CAPN6: variants seen among roughly 807,000 people sequenced by gnomAD.
The protein encoded by CAPN6 is calpain 6.
A neutral mutation model predicts 46.0 loss-of-function variants in CAPN6; 16 were observed. The ratio of observed to expected loss-of-function variants is 0.35; its 90% confidence interval spans 0.24 to 0.53. CAPN6 has a LOEUF of 0.53. Ranked by LOEUF, CAPN6 falls within the 20% of genes least tolerant of loss-of-function variation. The pLI is 0.94. For missense variants in CAPN6, 461 were observed against 498.0 expected (o/e 0.93, Z 0.71); for synonymous variants, 206 against 172.8 (o/e 1.19, Z -1.51).
Position 111,251,613 on chromosome X carries a change from C to G in CAPN6, c.829G>C (p.Val277Leu), listed in dbSNP as rs12013711. The G allele has an allele frequency of 0.059, 71,361 of 1,207,785 alleles. 9,167 individuals carry two copies. The African/African-American group carries it at 0.63, about 11-fold the overall frequency. The change falls in exon 6 of 13, where the codon GTG (valine) becomes CTG (leucine). Residue 277 changes from valine to leucine, a missense_variant. Transcript: ENST00000324068. ...RLVEVFSAEK[V>L]YMVRLRNPLG... Reference sequence around the variant, plus strand: ...GGGTTTCTCAGGCGAACCATATACACCTTCTCAGCACTGAAGACTTCCACA... The same window carrying G: ...GGGTTTCTCAGGCGAACCATATACAGCTTCTCAGCACTGAAGACTTCCACA...
rs143524909 is a variant in CAPN6 at position 111,248,994 on chromosome X, G to A, written c.1222C>T (p.Arg408Cys). ...VIMSLQQKDL[R>C]TYRRMGRPDN... is the part of the protein sequence containing the mutation. ...GGTCTTCCCATTCGGCGGTAAGTGCGCAGGTCCTTCTGCTGCAGTGACATA... is the reference window on the plus strand; with the variant it reads ...GGTCTTCCCATTCGGCGGTAAGTGCACAGGTCCTTCTGCTGCAGTGACATA... The change falls in exon 9 of 13, where the codon CGC becomes TGC. Residue 408 changes from arginine (R) to cysteine (C), a missense_variant. By Grantham distance (180) the Arg-to-Cys change is radical. Transcript: ENST00000324068. The A allele has an allele frequency of 1.1e-5, 13 of 1,208,740 alleles. No individual in the cohort carries two copies. The highest frequency in any genetic ancestry group is 1.1e-4 in the South Asian group (6 of 56,718).
intron 5 of CAPN6, 51 bp from the exon 6 acceptor site, chrX:111,251,793 C>T: frequency 9.9e-7 from 1 of 1,010,318 alleles, no homozygotes; most frequent in Non-Finnish European, 1.4e-6. Context: ...AGACCCAATC[C>T]TGACTCCTCT....
rs761943657 is a variant in CAPN6 at position 111,252,496 on chromosome X, C to A, written c.510G>T (p.Leu170=). Residue 170 remains leucine (L), a synonymous_variant, in exon 5 of 13, where the codon CTG becomes CTT. Coordinates refer to ENST00000324068, the MANE Select transcript of CAPN6 (RefSeq NM_014289.4). Reference sequence around the variant, plus strand: ...CATCCAGGGCCTCATAACAGCCTAGCAGCCTGAGGGCAAGTATGCAAGGTT... The same window carrying A: ...CATCCAGGGCCTCATAACAGCCTAGAAGCCTGAGGGCAAGTATGCAAGGTT... ...NALLEKAYAK[L]LGCYEALDGL... 1 of 1,196,266 alleles carries A rather than the reference C, an allele frequency of 8.4e-7. No individual in the cohort carries two copies. The highest frequency in any genetic ancestry group is 1.9e-5 in the South Asian group (1 of 53,791).
At chrX:111,253,407 T>C (rs761811667) in intron 3 of CAPN6, among the ~76,000 whole-genome samples, 191 bp from the exon 4 acceptor site, 1 of 112,524 alleles carries the variant, frequency 8.9e-6, no homozygotes, top group Non-Finnish European at 1.9e-5. Context: ...TCAGTTTTGC[T>C]GAGGATGATA....
Position 111,250,902 on chromosome X carries a change from G to A in CAPN6, c.1158+15C>T. The A allele has an allele frequency of 8.3e-7, 1 of 1,199,828 alleles. No homozygotes were observed. The highest frequency in any genetic ancestry group is 1.1e-6 in the Non-Finnish European group (1 of 886,442). On this transcript the variant is annotated intron_variant, in intron 8 of 12. Coordinates refer to ENST00000324068, the MANE Select transcript of CAPN6 (RefSeq NM_014289.4). ...ACTGGATAACTTTGAGGCAAATAAA[G>A]TAATTGACTCAAACCTGGGGATTCT...
chrX:111,267,219 C>G (rs923231259), intron 1 of CAPN6, among the ~76,000 whole-genome samples: 1 of 111,612 alleles, frequency 9.0e-6, no homozygotes, highest in African/African-American at 3.3e-5. Context: ...CAAGGAGAGC[C>G]TCTAGCTAAC....
intron 2 of CAPN6, among the ~76,000 whole-genome samples, chrX:111,255,546 C>T (rs760362954): frequency 1.3e-4 from 15 of 112,967 alleles, no homozygotes; most frequent in Non-Finnish European, 2.2e-4. Context: ...ATTCTGCTTA[C>T]GCAGCAGAAA....
intron 11 of CAPN6, among the ~76,000 whole-genome samples, 181 bp downstream of exon 11, chrX:111,247,690 A>G (rs776658683): frequency 8.9e-6 from 1 of 111,885 alleles, no homozygotes; most frequent in East Asian, 2.8e-4. Flanking sequence ...GGAATATGAA[A>G]ATGAATCTAA....
At chrX:111,255,593 C>A (rs1273956379) in intron 2 of CAPN6, among the ~76,000 whole-genome samples, 2 of 112,806 alleles carry the variant, frequency 1.8e-5, no homozygotes, top group Non-Finnish European at 3.7e-5. Flanking sequence ...GACATATATC[C>A]TTTTAAAAAG....
At chrX:111,258,775 A>G (rs760910660) in intron 2 of CAPN6, among the ~76,000 whole-genome samples, 14 of 112,255 alleles carry the variant, frequency 1.2e-4, no homozygotes, top group African/African-American at 4.2e-4. Context: ...TTTAACCTTC[A>G]GGATTCTGCT....
At position 111,246,437 on chromosome X, in the gene CAPN6, G is replaced by A; in HGVS notation, c.*140C>T. The A allele has an allele frequency of 1.9e-6, 1 of 531,570 alleles. No homozygotes were observed. The highest frequency in any genetic ancestry group is 3.1e-6 in the Non-Finnish European group (1 of 325,730). The allele number at this position is 531,570 out of a possible 1,213,427, so 43.8% of individuals were successfully genotyped here. A position where few individuals can be genotyped will look rare whatever the true frequency, so the allele number is the denominator to read the frequency against. ...GATGCTACTTGGATTGGGAGGTATG[G>A]GGAATTTATCAGAAGAGAGGAAGAG... is the stretch of plus-strand genomic sequence containing the variant. On this transcript the variant is annotated 3_prime_UTR_variant, in exon 13 of 13. Transcript: ENST00000324068.
In CAPN6 at chrX:111,251,299, AG is replaced by A. The variant is rs1188389851; in HGVS notation, c.894-14del. 3 of 1,146,943 alleles carry A rather than the reference AG, an allele frequency of 2.6e-6. No homozygotes were observed. Among genetic ancestry groups the A allele is most frequent in the Admixed American group, 4.9e-5 (2 of 41,081 alleles). The allele number at this position is 1,146,943 out of a possible 1,213,427, so 94.5% of individuals were successfully genotyped here. On this transcript the variant is annotated splice_polypyrimidine_tract_variant and intron_variant, in intron 6 of 12. Coordinates refer to ENST00000324068, the MANE Select transcript of CAPN6 (RefSeq NM_014289.4). ...CCACTCTTCAGAACTGAAAGTAAAT[AG>A]AAAAAAAAAAAAAAGATAAATCATT... is the stretch of plus-strand genomic sequence containing the variant.
intron 6 of CAPN6, 108 bp downstream of exon 6, chrX:111,251,440 GC>G: frequency 3.4e-6 from 3 of 890,820 alleles, no homozygotes; most frequent in Non-Finnish European, 4.8e-6. Flanking sequence ...CCTGACAAAA[GC>G]CCACAGATGT....
rs1396907645 is a variant in CAPN6 at position 111,254,378 on chromosome X, A to G, written c.191T>C (p.Ile64Thr). 1 of 1,206,272 alleles carries G rather than the reference A, an allele frequency of 8.3e-7. No homozygotes were observed. Among genetic ancestry groups the G allele is most frequent in the Non-Finnish European group, 1.1e-6 (1 of 892,289 alleles). The stretch of plus-strand genomic sequence containing the variant: ...CTGGTGGTTGCTAATGTTGCCCACA[A>G]TCAGATGGGGGTCATCACAGATGTC... ...PQDICDDPHL[I>T]VGNISNHQLT... is the part of the protein sequence containing the mutation. Residue 64 changes from isoleucine to threonine, a missense_variant, in exon 3 of 13, where the codon ATT becomes ACT. Physicochemically the swap from Ile to Thr is moderately conservative, Grantham distance 89 (BLOSUM62 -1). Coordinates refer to ENST00000324068, the MANE Select transcript of CAPN6 (RefSeq NM_014289.4).
rs778548878 is a variant in CAPN6, at chrX:111,252,350, T to A, written c.656A>T (p.Tyr219Phe). Residue 219 changes from tyrosine to phenylalanine, a missense_variant, in exon 5 of 13, where the codon TAC becomes TTC. Tyr to Phe is a conservative substitution (Grantham distance 22). Coordinates refer to ENST00000324068, the MANE Select transcript of CAPN6 (RefSeq NM_014289.4). ...CAGACCACCTTTGGTAAATGTTTTGTACAGTTCTCCGAATAGCTTGTACTT... is the reference window on the plus strand; with the variant it reads ...CAGACCACCTTTGGTAAATGTTTTGAACAGTTCTCCGAATAGCTTGTACTT... ...EEKYKLFGELYKTFTKGGLIC... is the reference protein window; with the variant it reads ...EEKYKLFGELFKTFTKGGLIC... The A allele has an allele frequency of 2.5e-6, 3 of 1,210,355 alleles. No individual in the cohort carries two copies. The East Asian group carries it at 8.9e-5, about 36-fold the overall frequency.
Position 111,251,733 on chromosome X carries a change from G to T in CAPN6, c.709C>A (p.Gln237Lys). The change falls in exon 6 of 13, where the codon CAG becomes AAG. Residue 237 changes from glutamine (Q) to lysine (K), a missense_variant. Transcript: ENST00000324068. ...TCAGTTTCAACTTCTTGCTCCTCCTGATTGGGAGACTGAGAGCAAAGAAAG... is the reference window on the plus strand; with the variant it reads ...TCAGTTTCAACTTCTTGCTCCTCCTTATTGGGAGACTGAGAGCAAAGAAAG... ...LICCSIESPN[Q>K]EEQEVETDWG... is the part of the protein sequence containing the mutation. The T allele has an allele frequency of 4.2e-6, 5 of 1,204,077 alleles. No homozygotes were observed. Among genetic ancestry groups the T allele is most frequent in the Non-Finnish European group, 5.6e-6 (5 of 889,435 alleles).
At chrX:111,247,347 G>A (rs767194865) in intron 12 of CAPN6, 21 bp downstream of exon 12, 12 of 1,162,189 alleles carry the variant, frequency 1.0e-5, no homozygotes, top group South Asian at 6.3e-5. Flanking sequence ...CCTTTCTGGC[G>A]ACCCCTGTAC....
intron 6 of CAPN6, 122 bp downstream of exon 6, chrX:111,251,427 G>A (rs771937534): frequency 3.4e-5 from 30 of 891,248 alleles, no homozygotes; most frequent in East Asian, 9.3e-5. Flanking sequence ...CACAGACCCC[G>A]TGCCTGACAA....
intron 1 of CAPN6, among the ~76,000 whole-genome samples, chrX:111,269,905 T>C (rs1366288988): frequency 1.8e-5 from 2 of 111,813 alleles, no homozygotes; most frequent in South Asian, 3.8e-4. Flanking sequence ...TTGCACACAG[T>C]GTGGCTCCAA....
Sources: allele counts gnomAD v4.1 joint callset (sites outside exome capture counted in the v4.1 genomes callset), GRCh38; gene constraint gnomAD v4.1.1; transcripts MANE v1.5; gene names NCBI Gene and HGNC (gene_info 2026-07-23, HGNC 2026-07-21).